SCMH1: variants seen among roughly 807,000 people sequenced by gnomAD.
SCMH1 encodes polycomb protein SCMH1.
SCMH1 carries 37 observed loss-of-function variants against 70.8 expected under a neutral mutation model. The observed-to-expected ratio is 0.52, with a 90% CI of 0.40 to 0.69. The LOEUF (loss-of-function observed/expected upper bound fraction) is 0.69. Ranked by LOEUF, SCMH1 falls within the 30% of genes least tolerant of loss-of-function variation. The pLI is 0.00. For synonymous variants in SCMH1, 292 were observed against 307.4 expected, an observed-to-expected ratio of 0.95 and a Z score of 0.52; for missense variants, 607 against 827.3, an observed-to-expected ratio of 0.73 and a Z score of 3.27.
At chr1:41,092,237 A>C (rs188381859) in intron 8 of SCMH1, among the ~76,000 whole-genome samples, 76 of 152,326 alleles carry the variant, frequency 5.0e-4, no homozygotes, top group Middle Eastern at 3.4e-3. Context: ...CAACCATCTG[A>C]TCTTTGACAA....
chr1:41,058,547 A>C (rs1651427605), intron 10 of SCMH1, among the ~76,000 whole-genome samples: 1 of 151,834 alleles, frequency 6.6e-6, no homozygotes, highest in Non-Finnish European at 1.5e-5. Context: ...CACCTGGCTA[A>C]TTCTTTGTAT....
chr1:41,117,420 T>C (rs1670754917), intron 6 of SCMH1, among the ~76,000 whole-genome samples: 1 of 152,130 alleles, frequency 6.6e-6, no homozygotes, highest in South Asian at 2.1e-4. Context: ...AAGACGCCCG[T>C]TGCCAAGCGG....
intron 2 of SCMH1, among the ~76,000 whole-genome samples, chr1:41,183,376 G>A (rs1432813920): frequency 6.6e-6 from 1 of 152,180 alleles, no homozygotes; most frequent in African/African-American, 2.4e-5. Flanking sequence ...TCCCTAAACT[G>A]TATCCAAACA....
At chr1:41,227,411 CTTTAAT>C (rs1660481992) in intron 1 of SCMH1, among the ~76,000 whole-genome samples, 1 of 152,144 alleles carries the variant, frequency 6.6e-6, no homozygotes, top group Admixed American at 6.5e-5. Flanking sequence ...ATTATTGAGC[CTTTAAT>C]TTTAAAAGAA....
chr1:41,163,376 G>A (rs867336388), intron 2 of SCMH1, among the ~76,000 whole-genome samples: 1 of 152,168 alleles, frequency 6.6e-6, no homozygotes, highest in African/African-American at 2.4e-5. Flanking sequence ...CTGATAGCAT[G>A]AGCAGCCTGC....
intron 6 of SCMH1, among the ~76,000 whole-genome samples, chr1:41,130,690 T>C (rs770716033): frequency 1.3e-5 from 2 of 152,206 alleles, no homozygotes; most frequent in African/African-American, 2.4e-5. Flanking sequence ...TGGGTTTTAG[T>C]ACTCTGTGAA....
At chr1:41,141,953 G>C (rs1395343569) in intron 6 of SCMH1, among the ~76,000 whole-genome samples, 1 of 152,148 alleles carries the variant, frequency 6.6e-6, no homozygotes, top group Non-Finnish European at 1.5e-5. Context: ...GCCCATGACA[G>C]AGACATACTA....
intron 10 of SCMH1, among the ~76,000 whole-genome samples, chr1:41,058,378 G>GTTTTTTTTTGTTTTTT (rs1651279734): frequency 1.2e-5 from 1 of 81,640 alleles, no homozygotes; most frequent in Non-Finnish European, 2.1e-5. Context: ...TTTCTTTCTT[G>GTTTTTTTTTGTTTTTT]TTTTTTTTTT....
chr1:41,132,745 C>T (rs552012979), intron 6 of SCMH1, among the ~76,000 whole-genome samples: 1 of 152,222 alleles, frequency 6.6e-6, no homozygotes, highest in African/African-American at 2.4e-5. Context: ...AGTCCAGTTT[C>T]AGGTTTCTAC....
chr1:41,220,204 C>G (rs773673309), intron 1 of SCMH1, among the ~76,000 whole-genome samples: 3 of 152,184 alleles, frequency 2.0e-5, no homozygotes, highest in Non-Finnish European at 4.4e-5. Flanking sequence ...AATCCCCAGT[C>G]GGAGGACCCA....
chr1:41,041,116 T>C (rs887881978), intron 12 of SCMH1, among the ~76,000 whole-genome samples: 6 of 151,984 alleles, frequency 3.9e-5, no homozygotes, highest in African/African-American at 1.5e-4. Context: ...CCTTTATGGG[T>C]GTGAACTGAG....
intron 1 of SCMH1, among the ~76,000 whole-genome samples, chr1:41,212,174 G>A (rs1432478064): frequency 1.3e-5 from 2 of 151,912 alleles, no homozygotes; most frequent in Non-Finnish European, 2.9e-5. Context: ...AAATAAATAC[G>A]AAACAAAACA....
chr1:41,164,643 GTC>G (rs989191045), intron 2 of SCMH1, among the ~76,000 whole-genome samples: 2 of 152,212 alleles, frequency 1.3e-5, no homozygotes, highest in African/African-American at 2.4e-5. Context: ...TGGATGAAGT[GTC>G]TCTGTTTTTA....
chr1:41,038,561 T>C (rs969430272), intron 12 of SCMH1, among the ~76,000 whole-genome samples: 7 of 152,220 alleles, frequency 4.6e-5, no homozygotes, highest in African/African-American at 1.7e-4. Flanking sequence ...TAAGATGGTT[T>C]AGGATTTTAG....
chr1:41,194,504 C>T (rs914313233), intron 1 of SCMH1, among the ~76,000 whole-genome samples: 2 of 152,210 alleles, frequency 1.3e-5, no homozygotes, highest in African/African-American at 4.8e-5. Context: ...GGCTGGTTAT[C>T]CAGACAGGGC....
chr1:41,109,942 T>C (rs1403351783), intron 8 of SCMH1, among the ~76,000 whole-genome samples: 1 of 152,126 alleles, frequency 6.6e-6, no homozygotes, highest in Non-Finnish European at 1.5e-5. Context: ...AATGAGAAAA[T>C]CAACCTATTA....
In SCMH1 at chr1:41,039,430, G is replaced by A. The variant is rs150321540; in HGVS notation, c.1499-1889C>T. ...GTCCTAGTCCTGACAAGGCTGATCAGACGAGGCTCTCTTTGGTAGGACAGT... is the reference window on the plus strand; with the variant it reads ...GTCCTAGTCCTGACAAGGCTGATCAAACGAGGCTCTCTTTGGTAGGACAGT... On this transcript the variant is annotated intron_variant, in intron 12 of 14. Coordinates refer to ENST00000337495, the Ensembl canonical transcript of SCMH1. 3.0e-4 allele frequency among the ~76,000 whole-genome samples: 46 copies of A among 152,178 alleles called. No homozygotes were observed. In the East Asian group the frequency reaches 8.5e-3, roughly 28 times the overall value.
intron 12 of SCMH1, 130 bp downstream of exon 12, chr1:41,046,277 G>T: frequency 1.4e-6 from 1 of 691,340 alleles, no homozygotes. Flanking sequence ...GCAAAGGTAA[G>T]GGACAGAAAA....
At chr1:41,124,220 T>G (rs936991705) in intron 6 of SCMH1, among the ~76,000 whole-genome samples, 1 of 152,152 alleles carries the variant, frequency 6.6e-6, no homozygotes, top group African/African-American at 2.4e-5. Context: ...CTGAACTATA[T>G]GAAAGTTGGA....
Sources: gnomAD v4.1 joint callset for allele counts (sites outside exome capture counted in the v4.1 genomes callset) on GRCh38, gnomAD v4.1.1 for gene constraint, MANE v1.5 for transcripts, NCBI Gene and HGNC (gene_info 2026-07-23, HGNC 2026-07-21) for gene names.